The following SLC12A4 variants were observed in gnomAD, a reference collection of about 807,000 sequenced individuals.
SLC12A4 encodes the protein solute carrier family 12 member 4.
SLC12A4 carries 84 observed loss-of-function variants against 119.2 expected under a neutral mutation model. That is an observed-to-expected ratio of 0.70 (90% CI 0.59 to 0.85). The LOEUF is 0.85. Among genes scored for constraint, SLC12A4 ranks in the 40% least tolerant of loss-of-function variants. SLC12A4 has a pLI of 0.00. For missense variants in SLC12A4, 1,298 were observed against 1,476.3 expected, an observed-to-expected ratio of 0.88 and a Z score of 1.98; for synonymous variants, 599 against 604.6, an observed-to-expected ratio of 0.99 and a Z score of 0.14.
At position 67,945,816 on chromosome 16, in the gene SLC12A4, C is replaced by T. The variant is rs774340092; in HGVS notation, c.2795G>A (p.Arg932Gln). Reference sequence around the variant, plus strand: ...TCTCATCTGCCGCAGCATCTGCGACCGCTGCTCCATCATCAGCGTCCGCTC... The same window carrying T: ...TCTCATCTGCCGCAGCATCTGCGACTGCTGCTCCATCATCAGCGTCCGCTC... ...TYERTLMMEQ[R>Q]SQMLRQMRLT... The change falls in exon 21 of 24, where the codon CGG (arginine) becomes CAG (glutamine). Residue 932 changes from arginine to glutamine, a missense_variant. By Grantham distance (43) the Arg-to-Gln change is conservative. Transcript: ENST00000316341. 5.6e-6 allele frequency: 9 copies of T among 1,613,814 alleles called. No homozygotes were observed. Among genetic ancestry groups the T allele is most frequent in the South Asian group, 3.3e-5 (3 of 91,084 alleles).
rs2058363136 is a variant in SLC12A4 at position 67,947,360 on chromosome 16, C to T, written c.2043G>A (p.Glu681=). 6.2e-7 allele frequency: 1 copy of T among 1,612,398 alleles called. No individual in the cohort carries two copies. Among genetic ancestry groups the T allele is most frequent in the Non-Finnish European group, 8.5e-7 (1 of 1,179,770 alleles). ...SAARYALLRL[E]EGPPHTKNWR... is the part of the protein sequence containing the mutation. ...AGTTCTTGGTGTGAGGAGGCCCCTC[C>T]TCCAGCCGCAACAGCGCGTAGCGGG... The change falls in exon 16 of 24, where the codon GAG becomes GAA. Residue 681 remains glutamate (E), a synonymous_variant. Coordinates refer to ENST00000316341, the MANE Select transcript of SLC12A4 (RefSeq NM_005072.5).
At position 67,950,260 on chromosome 16, in the gene SLC12A4, C is replaced by T; in HGVS notation, c.1629+59G>A. ...CTGCATCTGTGTTCCCTATCTCTCTCCCCAGCCGGGCGAGGGCCTGGGAGC... is the reference window on the plus strand; with the variant it reads ...CTGCATCTGTGTTCCCTATCTCTCTTCCCAGCCGGGCGAGGGCCTGGGAGC... On this transcript the variant is annotated intron_variant, in intron 12 of 23. Coordinates refer to ENST00000316341, the MANE Select transcript of SLC12A4 (RefSeq NM_005072.5). This position sits in a 1 kb window ranked among gnomAD's most constrained non-coding sequence, Gnocchi z 4.3. 1.3e-5 allele frequency: 21 copies of T among 1,574,688 alleles called. No individual in the cohort carries two copies. The highest frequency in any genetic ancestry group is 2.2e-5 in the East Asian group (1 of 44,576).
chr16:67,951,711 G>A lies in SLC12A4; in HGVS notation c.1132+112C>T. Reference sequence around the variant, plus strand: ...TGGGAGGACACTGGGGGGCTGGGAAGGCGGCCAGTCCTGCCCCCGTTCCCA... The same window carrying A: ...TGGGAGGACACTGGGGGGCTGGGAAAGCGGCCAGTCCTGCCCCCGTTCCCA... On this transcript the variant is annotated intron_variant, in intron 8 of 23. Transcript: ENST00000316341. This position sits in a 1 kb window ranked among gnomAD's most constrained non-coding sequence, Gnocchi z 5.2. 2 of 970,386 alleles carry A rather than the reference G, an allele frequency of 2.1e-6. No individual in the cohort carries two copies. The highest frequency in any genetic ancestry group is 3.1e-6 in the Non-Finnish European group (2 of 652,664). 60.1% of individuals were successfully genotyped at this position (970,386 alleles called of 1,614,324 possible).
At chr16:67,963,802 G>T in intron 1 of SLC12A4, 1 of 1,305,858 alleles carries the variant, frequency 7.7e-7, no homozygotes, top group Non-Finnish European at 1.0e-6. Context: ...CCAGGTGAGG[G>T]CGCAGGCGCC....
Position 67,946,158 on chromosome 16 carries a change from C to A in SLC12A4, c.2607+13G>T. The A allele has an allele frequency of 6.2e-7, 1 of 1,613,718 alleles. No individual in the cohort carries two copies. Among genetic ancestry groups the A allele is most frequent in the Non-Finnish European group, 8.5e-7 (1 of 1,179,902 alleles). On this transcript the variant is annotated intron_variant, in intron 19 of 23. Transcript: ENST00000316341. ...GCCTAGCCCCTCTCATCTGCACCCA[C>A]CCCCTGGTCTACCTTATGCTGGCGC... is the stretch of plus-strand genomic sequence containing the variant.
In SLC12A4 at chr16:67,951,713, C is replaced by T. The variant is rs772543382; in HGVS notation, c.1132+110G>A. The T allele has an allele frequency of 3.6e-5, 36 of 989,884 alleles. No homozygotes were observed. Among genetic ancestry groups the T allele is most frequent in the Non-Finnish European group, 4.8e-5 (32 of 670,602 alleles). 61.3% of individuals were successfully genotyped at this position (989,884 alleles called of 1,614,324 possible). The stretch of plus-strand genomic sequence containing the variant: ...GGAGGACACTGGGGGGCTGGGAAGG[C>T]GGCCAGTCCTGCCCCCGTTCCCAAG... On this transcript the variant is annotated intron_variant, in intron 8 of 23. Transcript: ENST00000316341. This position sits in a 1 kb window ranked among gnomAD's most constrained non-coding sequence, Gnocchi z 5.2.
At chr16:67,968,680 C>T, upstream of SLC12A4, 1 of 1,262,306 alleles carries the variant, frequency 7.9e-7, no homozygotes, top group Non-Finnish European at 9.9e-7. Context: ...TCACTTCCTC[C>T]GCCCGCCCCC....
chr16:67,962,420 GTGCTTCTACC>G (rs1415755132), intron 2 of SLC12A4: 1 of 152,340 alleles, frequency 6.6e-6, no homozygotes, highest in East Asian at 1.9e-4. Flanking sequence ...TCTCGAGGCT[GTGCTTCTACC>G]TGCCTCCTGC....
rs1405760433 is a variant in SLC12A4, at chr16:67,944,183, A to G, written c.*657T>C. 1.3e-6 allele frequency: 2 copies of G among 1,501,726 alleles called. No homozygotes were observed. Among genetic ancestry groups the G allele is most frequent in the Non-Finnish European group, 1.8e-6 (2 of 1,116,694 alleles). The allele number at this position is 1,501,726 out of a possible 1,614,324, so 93.0% of individuals were successfully genotyped here. ...TGGGAGTGGGAGGGGCCCTAGGGCC[A>G]GTGGGAGGGACGGCCTGGCCAGTGG... On this transcript the variant is annotated 3_prime_UTR_variant, in exon 24 of 24. Coordinates refer to ENST00000316341, the MANE Select transcript of SLC12A4 (RefSeq NM_005072.5). This position sits in a 1 kb window ranked among gnomAD's most constrained non-coding sequence, Gnocchi z 6.6.
At chr16:67,965,718 C>G (rs1164756245) in intron 1 of SLC12A4, among the ~76,000 whole-genome samples, 4 of 152,210 alleles carry the variant, frequency 2.6e-5, no homozygotes, top group African/African-American at 9.7e-5. Flanking sequence ...GTAAATGGTC[C>G]TCTAAGACCT....
At position 67,949,715 on chromosome 16, in the gene SLC12A4, C is replaced by T; in HGVS notation, c.1748+85G>A. On this transcript the variant is annotated intron_variant, in intron 13 of 23. Coordinates refer to ENST00000316341, the MANE Select transcript of SLC12A4 (RefSeq NM_005072.5). This position sits in a 1 kb window ranked among gnomAD's most constrained non-coding sequence, Gnocchi z 4.6. ...AGCCTGCCACATCTCCCAGCTGGAC[C>T]TCCAACACCAGACGCAGCCACGGGG... 1.1e-6 allele frequency: 1 copy of T among 914,512 alleles called. No individual in the cohort carries two copies. The allele number at this position is 914,512 out of a possible 1,614,324, so 56.6% of individuals were successfully genotyped here.
At chr16:67,964,165 T>G in intron 1 of SLC12A4, 1 of 1,413,144 alleles carries the variant, frequency 7.1e-7, no homozygotes, top group Non-Finnish European at 9.4e-7. Context: ...CCTTCTAGGG[T>G]TGCCTAAGAA....
intron 5 of SLC12A4, among the ~76,000 whole-genome samples, chr16:67,955,724 A>T (rs1369205874): frequency 6.6e-6 from 1 of 152,056 alleles, no homozygotes; most frequent in African/African-American, 2.4e-5. Flanking sequence ...CTACTAAAAT[A>T]CAAAATTAGC....
In SLC12A4 at chr16:67,943,913, T is replaced by C; in HGVS notation, c.*927A>G. On this transcript the variant is annotated 3_prime_UTR_variant, in exon 24 of 24. Coordinates refer to ENST00000316341, the MANE Select transcript of SLC12A4 (RefSeq NM_005072.5). This position sits in a 1 kb window ranked among gnomAD's most constrained non-coding sequence, Gnocchi z 4.6. ...GCTGGGGCCCAGGCTCCCCAGGGTC[T>C]GGCGTGGTGCATCAGGGGCCTGGTG... 6.6e-7 allele frequency: 1 copy of C among 1,523,756 alleles called. No homozygotes were observed. Among genetic ancestry groups the C allele is most frequent in the East Asian group, 2.5e-5 (1 of 40,678 alleles). The allele number at this position is 1,523,756 out of a possible 1,614,324, so 94.4% of individuals were successfully genotyped here.
At chr16:67,960,959 C>G (rs374937629) in intron 3 of SLC12A4, among the ~76,000 whole-genome samples, 2 of 152,024 alleles carry the variant, frequency 1.3e-5, no homozygotes, top group East Asian at 1.9e-4. Flanking sequence ...GAGCCTTGGG[C>G]CAACACTGCG....
Position 67,946,633 on chromosome 16 carries a change from T to C in SLC12A4, c.2242A>G (p.Thr748Ala). 2 of 1,611,038 alleles carry C rather than the reference T, an allele frequency of 1.2e-6. No individual in the cohort carries two copies. ...SYGEAQAAEQ[T>A]IKNMMEIEKV... ...TCAATTTCCATCATGTTCTTGATGG[T>C]CTGTGGGGAACACACCCAGGGCCAA... is the stretch of plus-strand genomic sequence containing the variant. The change falls in exon 18 of 24, where the codon ACC becomes GCC. Residue 748 changes from threonine (T) to alanine (A), a missense_variant and splice_region_variant. By Grantham distance (58) the Thr-to-Ala change is moderately conservative. Transcript: ENST00000316341.
rs1449482986 is a variant in SLC12A4, at chr16:67,945,860, G to A, written c.2751C>T (p.Asp917=). Residue 917 remains aspartate, a synonymous_variant, in exon 21 of 24, where the codon GAC becomes GAT. Transcript: ENST00000316341. The part of the protein sequence containing the change: ...EVEVVEMHNS[D]ISAYTYERTL... ...TCCGCTCGTAGGTGTATGCAGAGAT[G>A]TCACTGTTATGCTGGGGACAGGGTT... 2 of 1,613,942 alleles carry A rather than the reference G, an allele frequency of 1.2e-6. No individual in the cohort carries two copies. Among genetic ancestry groups the A allele is most frequent in the Non-Finnish European group, 1.7e-6 (2 of 1,180,036 alleles).
At chr16:67,963,329 C>T (rs1301210227) in intron 2 of SLC12A4, 136 bp downstream of exon 2, 4 of 529,562 alleles carry the variant, frequency 7.6e-6, no homozygotes, top group Admixed American at 7.7e-5. Flanking sequence ...AACTGCAGCC[C>T]GGCTGCCATG....
intron 3 of SLC12A4, among the ~76,000 whole-genome samples, chr16:67,959,409 T>C (rs1389391019): frequency 1.3e-5 from 2 of 152,146 alleles, no homozygotes; most frequent in African/African-American, 4.8e-5. Flanking sequence ...CGTGCTGCCC[T>C]GAAGCTAGGG....
Sources: gnomAD v4.1 joint callset for allele counts (sites outside exome capture counted in the v4.1 genomes callset) on GRCh38, gnomAD v4.1.1 for gene constraint, Gnocchi (gnomAD v3.1) non-coding constraint, MANE v1.5 for transcripts, NCBI Gene and HGNC (gene_info 2026-07-23, HGNC 2026-07-21) for gene names.